PACS1: variants seen among roughly 807,000 people sequenced by gnomAD.
PACS1 encodes the protein PACS-1.
A neutral mutation model predicts 115.0 loss-of-function variants in PACS1; 24 were observed. That is an observed-to-expected ratio of 0.21 (90% CI 0.15 to 0.29). PACS1 has a LOEUF of 0.29. Among genes scored for constraint, PACS1 ranks in the 10% least tolerant of loss-of-function variants. PACS1 has a pLI of 1.00. For missense variants in PACS1, 838 were observed against 1,251.2 expected, an observed-to-expected ratio of 0.67 and a Z score of 4.98; for synonymous variants, 453 against 504.5, an observed-to-expected ratio of 0.90 and a Z score of 1.37.
intron 1 of PACS1, among the ~76,000 whole-genome samples, chr11:66,102,386 G>A (rs1355321315): frequency 1.3e-5 from 2 of 151,764 alleles, no homozygotes; most frequent in Non-Finnish European, 2.9e-5. Context: ...GGGCAGTGGT[G>A]CGATCTCGGC....
chr11:66,136,751 C>A (rs938395354), intron 1 of PACS1, among the ~76,000 whole-genome samples: 2 of 151,984 alleles, frequency 1.3e-5, no homozygotes, highest in African/African-American at 2.4e-5. Context: ...ATGGACTGCC[C>A]GAATTATTAA....
intron 1 of PACS1, among the ~76,000 whole-genome samples, chr11:66,172,065 G>A (rs1859753149): frequency 6.6e-6 from 1 of 152,154 alleles, no homozygotes; most frequent in Non-Finnish European, 1.5e-5. Context: ...CACGCTTGCC[G>A]TACCGTTTAC....
intron 2 of PACS1, among the ~76,000 whole-genome samples, chr11:66,200,091 T>A (rs1339598823): frequency 4.0e-5 from 6 of 151,400 alleles, no homozygotes; most frequent in Non-Finnish European, 8.8e-5. Flanking sequence ...GGCTCATGCC[T>A]ATAATCCCAG....
chr11:66,171,438 G>GT (rs1185977087), intron 1 of PACS1, among the ~76,000 whole-genome samples: 1 of 149,826 alleles, frequency 6.7e-6, no homozygotes, highest in Non-Finnish European at 1.5e-5. Flanking sequence ...ATCCATAGGT[G>GT]TTTTTTTCTG....
chr11:66,077,073 T>C (rs1857411609), intron 1 of PACS1, among the ~76,000 whole-genome samples: 1 of 152,144 alleles, frequency 6.6e-6, no homozygotes, highest in African/African-American at 2.4e-5. Flanking sequence ...TGTTACCCCT[T>C]ATAGATGTTC....
At chr11:66,084,553 G>C (rs1294956421) in intron 1 of PACS1, among the ~76,000 whole-genome samples, 1 of 152,038 alleles carries the variant, frequency 6.6e-6, no homozygotes, top group African/African-American at 2.4e-5. Context: ...GATCTAGGTG[G>C]GAGCTGATGC....
intron 1 of PACS1, among the ~76,000 whole-genome samples, chr11:66,090,328 A>G (rs1312699807): frequency 7.3e-6 from 1 of 137,262 alleles, no homozygotes; most frequent in Admixed American, 8.1e-5. Flanking sequence ...GCTGGAGCAC[A>G]GTGGCATGAT....
At chr11:66,237,628 G>T (rs1441610219) in intron 19 of PACS1, among the ~76,000 whole-genome samples, 2 of 152,206 alleles carry the variant, frequency 1.3e-5, no homozygotes, top group African/African-American at 4.8e-5. Context: ...CAGGCCCCAA[G>T]ACCATGGCCC....
chr11:66,209,755 A>C (rs1855027205), intron 2 of PACS1, among the ~76,000 whole-genome samples: 1 of 151,940 alleles, frequency 6.6e-6, no homozygotes, highest in South Asian at 2.1e-4. Flanking sequence ...ATACAAAAAA[A>C]TTAGCCGGGC....
chr11:66,084,683 A>G (rs967334966), intron 1 of PACS1, among the ~76,000 whole-genome samples: 2 of 152,062 alleles, frequency 1.3e-5, no homozygotes, highest in African/African-American at 4.8e-5. Flanking sequence ...AAAAGGATTC[A>G]AGGATGACAC....
At chr11:66,147,809 A>G (rs896522947) in intron 1 of PACS1, among the ~76,000 whole-genome samples, 1 of 152,170 alleles carries the variant, frequency 6.6e-6, no homozygotes, top group African/African-American at 2.4e-5. Flanking sequence ...GTGTGACTGT[A>G]ATCAGAAATA....
intron 1 of PACS1, among the ~76,000 whole-genome samples, chr11:66,088,630 C>T (rs1350097415): frequency 6.6e-6 from 1 of 152,210 alleles, no homozygotes; most frequent in Admixed American, 6.5e-5. Context: ...TGCATCAATG[C>T]CGCCCTGTCT....
At chr11:66,134,261 T>TTTTC (rs1554980614) in intron 1 of PACS1, among the ~76,000 whole-genome samples, 1 of 115,554 alleles carries the variant, frequency 8.7e-6, no homozygotes, top group Non-Finnish European at 1.9e-5. Flanking sequence ...TTTCTTTTTT[T>TTTTC]TTTTTTTTTT....
At chr11:66,082,102 C>T (rs974456883) in intron 1 of PACS1, among the ~76,000 whole-genome samples, 1 of 152,206 alleles carries the variant, frequency 6.6e-6, no homozygotes, top group African/African-American at 2.4e-5. Flanking sequence ...GTATAAAACA[C>T]AGATTAACAT....
chr11:66,231,311 T>C (rs1269041659), intron 13 of PACS1, among the ~76,000 whole-genome samples: 1 of 152,230 alleles, frequency 6.6e-6, no homozygotes, highest in Non-Finnish European at 1.5e-5. Flanking sequence ...CTGGATCTCA[T>C]GGGACATCCT....
chr11:66,071,953 A>G (rs1857316073), intron 1 of PACS1, among the ~76,000 whole-genome samples: 1 of 152,186 alleles, frequency 6.6e-6, no homozygotes, highest in African/African-American at 2.4e-5. Context: ...GGAACAGAGC[A>G]TTATCGCTTC....
At chr11:66,073,279 T>C (rs939827073) in intron 1 of PACS1, among the ~76,000 whole-genome samples, 1 of 152,252 alleles carries the variant, frequency 6.6e-6, no homozygotes, top group African/African-American at 2.4e-5. Context: ...GTCTCCTGGG[T>C]GTCCTTGTTC....
At chr11:66,108,108 A>G (rs543176963) in intron 1 of PACS1, among the ~76,000 whole-genome samples, 1 of 152,218 alleles carries the variant, frequency 6.6e-6, no homozygotes, top group African/African-American at 2.4e-5. Flanking sequence ...GGCTACCATA[A>G]CAAAATACCA....
chr11:66,158,773 C>G (rs1386338663), intron 1 of PACS1, among the ~76,000 whole-genome samples: 1 of 152,136 alleles, frequency 6.6e-6, no homozygotes. Flanking sequence ...GGTCCAACAT[C>G]TGACTATTGG....
Sources: gnomAD v4.1 joint callset for allele counts (sites outside exome capture counted in the v4.1 genomes callset) on GRCh38, gnomAD v4.1.1 for gene constraint, MANE v1.5 for transcripts, NCBI Gene and HGNC (gene_info 2026-07-23, HGNC 2026-07-21) for gene names.